CLSTN1: variants seen among roughly 807,000 people sequenced by gnomAD.
CLSTN1 encodes calsyntenin 1.
A neutral mutation model predicts 108.3 loss-of-function variants in CLSTN1; 28 were observed. The ratio of observed to expected loss-of-function variants is 0.26; its 90% CI spans 0.19 to 0.35. CLSTN1 has a LOEUF of 0.35. CLSTN1 is among the 10% of genes least tolerant of loss of function. The probability of loss-of-function intolerance (pLI) is 1.00; values close to 1 mark genes in which losing one functional copy is unlikely to be tolerated. For synonymous variants in CLSTN1, 524 were observed against 534.9 expected (o/e 0.98, Z 0.28); for missense variants, 1,157 against 1,302.6 (o/e 0.89, Z 1.72).
rs964185769 is a variant in CLSTN1, at chr1:9,734,536, T to C, written c.2111-394A>G. ...GCTGCAGTTAGCCAAGATGACACCA[T>C]TGCACTCCAGCCTGGGCGACAGAGT... is the stretch of plus-strand genomic sequence containing the variant. On this transcript the variant is annotated intron_variant, in intron 14 of 18. Transcript: ENST00000377298. The surrounding 1 kb of genome is among the most constrained non-coding windows in gnomAD (Gnocchi z 4.8). Among the ~76,000 whole-genome samples, 10 of 150,636 alleles carry C rather than the reference T, an allele frequency of 6.6e-5. No homozygotes were observed. Among genetic ancestry groups the C allele is most frequent in the Middle Eastern group, 6.8e-3 (2 of 294 alleles).
At chr1:9,736,264 G>A (rs937976204) in intron 11 of CLSTN1, among the ~76,000 whole-genome samples, 5 of 152,182 alleles carry the variant, frequency 3.3e-5, no homozygotes, top group African/African-American at 1.2e-4. Flanking sequence ...AGAGTTGGGG[G>A]TGTCTCACCT....
chr1:9,754,673 T>C lies in CLSTN1; in HGVS notation c.440+441A>G, dbSNP rs570097338. Among the ~76,000 whole-genome samples, 114 of 152,180 alleles carry C rather than the reference T, an allele frequency of 7.5e-4. 1 individual carries two copies. Among genetic ancestry groups the C allele is most frequent in the African/African-American group, 2.5e-3 (102 of 41,508 alleles). ...GAGTTTGAGACCAGCCTGACCAACA[T>C]GGAGAATCCCCATCTCTACTAAAAA... On this transcript the variant is annotated intron_variant, in intron 4 of 18. Coordinates refer to ENST00000377298, the MANE Select transcript of CLSTN1 (RefSeq NM_001009566.3).
chr1:9,749,370 T>C (rs1651437018), intron 7 of CLSTN1, 91 bp downstream of exon 7: 3 of 1,200,726 alleles, frequency 2.5e-6, no homozygotes, highest in Middle Eastern at 2.6e-4. Context: ...TTTATAATTA[T>C]GAACACAACA....
intron 13 of CLSTN1, 98 bp downstream of exon 13, chr1:9,735,369 C>G (rs1650628793): frequency 1.3e-6 from 2 of 1,529,882 alleles, no homozygotes; most frequent in Non-Finnish European, 1.8e-6. Flanking sequence ...CACACGATGG[C>G]TCACCTTTCC....
At position 9,755,117 on chromosome 1, in the gene CLSTN1, T is replaced by C; in HGVS notation, c.437A>G (p.His146Arg). Residue 146 changes from histidine to arginine, a missense_variant, in exon 4 of 19, where the codon CAT becomes CGT. By Grantham distance (29) the His-to-Arg change is conservative. Transcript: ENST00000377298. ...ACTCTTTGTCCAGCTTACTTACTTATGAGACTTTTTCACGTTGGTGCCATC... is the reference window on the plus strand; with the variant it reads ...ACTCTTTGTCCAGCTTACTTACTTACGAGACTTTTTCACGTTGGTGCCATC... ...GPDGTNVKKS[H>R]KATVHIQVND... The C allele has an allele frequency of 1.2e-6, 2 of 1,608,110 alleles. No homozygotes were observed. Among genetic ancestry groups the C allele is most frequent in the Non-Finnish European group, 1.7e-6 (2 of 1,175,094 alleles).
In CLSTN1 at chr1:9,751,616, T is replaced by C. The variant is rs756176905; in HGVS notation, c.506A>G (p.Tyr169Cys). 6 of 1,614,186 alleles carry C rather than the reference T, an allele frequency of 3.7e-6. No individual in the cohort carries two copies. Among genetic ancestry groups the C allele is most frequent in the Non-Finnish European group, 5.1e-6 (6 of 1,180,038 alleles). Residue 169 changes from tyrosine to cysteine, a missense_variant, in exon 5 of 19, where the codon TAC (tyrosine) becomes TGC (cysteine). By Grantham distance (194) the Tyr-to-Cys change is radical. Transcript: ENST00000377298. ...CTTCCCCTCGATGACCGTGGCTTTGTAGGACTTCTCCTTGAACACGGGCGC... is the reference window on the plus strand; with the variant it reads ...CTTCCCCTCGATGACCGTGGCTTTGCAGGACTTCTCCTTGAACACGGGCGC... Reference protein sequence around the residue: ...EYAPVFKEKSYKATVIEGKQY... With the variant: ...EYAPVFKEKSCKATVIEGKQY...
At chr1:9,732,334 G>A (rs1441549043) in intron 16 of CLSTN1, among the ~76,000 whole-genome samples, 1 of 152,086 alleles carries the variant, frequency 6.6e-6, no homozygotes, top group Admixed American at 6.5e-5. Context: ...AAGTAGCTGG[G>A]ACTACAGGCA....
intron 2 of CLSTN1, among the ~76,000 whole-genome samples, chr1:9,762,046 C>A (rs996131618): frequency 2.0e-5 from 3 of 152,172 alleles, no homozygotes; most frequent in Non-Finnish European, 4.4e-5. Context: ...GCATCGCTGT[C>A]GCTCCACTCA....
chr1:9,807,410 T>C (rs1346011356), intron 1 of CLSTN1, among the ~76,000 whole-genome samples: 1 of 152,170 alleles, frequency 6.6e-6, no homozygotes, highest in Non-Finnish European at 1.5e-5. Context: ...ACATGATACA[T>C]CCCACTGGAA....
intron 2 of CLSTN1, among the ~76,000 whole-genome samples, chr1:9,768,784 G>T (rs1652505165): frequency 7.7e-6 from 1 of 129,212 alleles, no homozygotes; most frequent in East Asian, 2.4e-4. Flanking sequence ...GACACCATGG[G>T]GGCGGGGTTC....
chr1:9,761,625 A>G (rs776543457), intron 2 of CLSTN1, among the ~76,000 whole-genome samples: 1 of 152,158 alleles, frequency 6.6e-6, no homozygotes, highest in East Asian at 1.9e-4. Flanking sequence ...CAGGGTTCTC[A>G]GCTGACAGCA....
intron 1 of CLSTN1, among the ~76,000 whole-genome samples, chr1:9,810,017 C>G (rs1228612243): frequency 7.8e-6 from 1 of 127,514 alleles, no homozygotes; most frequent in Non-Finnish European, 1.6e-5. Context: ...CCAGCCTGGG[C>G]AACAGAGGGA....
At chr1:9,766,872 T>G (rs112096336) in intron 2 of CLSTN1, among the ~76,000 whole-genome samples, 2 of 152,224 alleles carry the variant, frequency 1.3e-5, no homozygotes, top group Non-Finnish European at 1.5e-5. Context: ...GTCTGATTAG[T>G]GATGACTTAC....
intron 1 of CLSTN1, among the ~76,000 whole-genome samples, chr1:9,790,451 AAC>A (rs3063906): frequency 0.13 from 19,419 of 151,236 alleles, 1,891 homozygotes; most frequent in African/African-American, 0.25. Flanking sequence ...CAAATGTTGA[AAC>A]AGTCTTATGT....
At chr1:9,785,313 A>C (rs1226486768) in intron 1 of CLSTN1, among the ~76,000 whole-genome samples, 1 of 151,828 alleles carries the variant, frequency 6.6e-6, no homozygotes, top group East Asian at 1.9e-4. Flanking sequence ...CAGCTGTAAA[A>C]CAGATTTTTT....
At chr1:9,760,503 CA>C (rs1349970109) in intron 2 of CLSTN1, among the ~76,000 whole-genome samples, 3 of 152,034 alleles carry the variant, frequency 2.0e-5, no homozygotes, top group Admixed American at 1.3e-4. Context: ...TGGAGCAAGA[CA>C]GGGGCTACCA....
Position 9,773,318 on chromosome 1 carries a change from G to C in CLSTN1, c.168C>G (p.Asp56Glu), listed in dbSNP as rs111570799. ...VTENDNTVLL[D>E]PPLIALDKDA... is the part of the protein sequence containing the mutation. ...CTTTATCCAGCGCGATCAGTGGGGG[G>C]TCGAGGAGCACGGTGTTGTCGTTCT... The change falls in exon 2 of 19, where the codon GAC becomes GAG. Residue 56 changes from aspartate to glutamate, a missense_variant. By Grantham distance (45) the Asp-to-Glu change is conservative. Transcript: ENST00000377298. The C allele has an allele frequency of 6.2e-7, 1 of 1,614,152 alleles. No individual in the cohort carries two copies. The highest frequency in any genetic ancestry group is 2.2e-5 in the East Asian group (1 of 44,880).
intron 1 of CLSTN1, among the ~76,000 whole-genome samples, chr1:9,815,452 G>C (rs1225726017): frequency 1.3e-5 from 2 of 152,158 alleles, no homozygotes; most frequent in African/African-American, 4.8e-5. Context: ...CAATGGCAAA[G>C]GAAGGAATTG....
At chr1:9,776,894 C>CTATCTATCTATT (rs1652980736) in intron 1 of CLSTN1, among the ~76,000 whole-genome samples, 11 of 151,666 alleles carry the variant, frequency 7.3e-5, no homozygotes, top group Admixed American at 3.3e-4. Flanking sequence ...ATCTATCTAT[C>CTATCTATCTATT]TATCTATCTA....
Sources: gnomAD v4.1 joint callset for allele counts (sites outside exome capture counted in the v4.1 genomes callset) on GRCh38, gnomAD v4.1.1 for gene constraint, Gnocchi (gnomAD v3.1) non-coding constraint, MANE v1.5 for transcripts, NCBI Gene and HGNC (gene_info 2026-07-23, HGNC 2026-07-21) for gene names.